DCDC1: variants seen among roughly 807,000 people sequenced by gnomAD.
The protein encoded by DCDC1 is doublecortin domain-containing protein 1.
DCDC1 carries 200 observed loss-of-function variants against 178.3 expected under a neutral mutation model. The ratio of observed to expected loss-of-function variants is 1.12; its 90% CI spans 1.00 to 1.26. DCDC1 has a LOEUF of 1.26. Ranked by LOEUF, DCDC1 falls within the 50% of genes most tolerant of loss-of-function variation. The pLI, the probability that DCDC1 is intolerant of heterozygous loss-of-function variation, is 0.00. For missense variants in DCDC1, 1,983 were observed against 1,749.2 expected (o/e 1.13, Z -2.38); for synonymous variants, 690 against 604.8 (o/e 1.14, Z -2.07).
chr11:30,937,613 C>T (rs1387042103), intron 21 of DCDC1, among the ~76,000 whole-genome samples: 1 of 152,164 alleles, frequency 6.6e-6, no homozygotes, highest in Non-Finnish European at 1.5e-5. Context: ...ACCTATTCCA[C>T]AGTGGAAACC....
chr11:30,954,573 G>T (rs1298963005), intron 20 of DCDC1, among the ~76,000 whole-genome samples: 1 of 152,184 alleles, frequency 6.6e-6, no homozygotes, highest in African/African-American at 2.4e-5. Context: ...TATAATTAAA[G>T]ATGTAAAATT....
At chr11:31,049,968 C>T (rs190470535) in intron 20 of DCDC1, among the ~76,000 whole-genome samples, 30 of 152,290 alleles carry the variant, frequency 2.0e-4, no homozygotes, top group Admixed American at 1.6e-3. Flanking sequence ...TCTAGCTGAA[C>T]TTCGTAAAAA....
chr11:30,999,816 C>T (rs1171527749), intron 20 of DCDC1, among the ~76,000 whole-genome samples: 6 of 152,014 alleles, frequency 3.9e-5, no homozygotes, highest in Admixed American at 3.3e-4. Context: ...AAAATACAAA[C>T]GTCAAATAAA....
In DCDC1 at chr11:31,153,890, C is replaced by T. The variant is rs1965456515; in HGVS notation, c.1222-16106G>A. On this transcript the variant is annotated intron_variant, in intron 9 of 38. Coordinates refer to ENST00000684477, the MANE Select transcript of DCDC1 (RefSeq NM_001387274.1). The stretch of plus-strand genomic sequence containing the variant: ...ACACACACACACACACACTCTCACA[C>T]CTGTGCCACTGTTCAAACTGTTGCT... 5.3e-5 allele frequency among the ~76,000 whole-genome samples: 8 copies of T among 152,058 alleles called. No individual in the cohort carries two copies. In the South Asian group the frequency reaches 1.7e-3, roughly 32 times the overall value.
chr11:30,943,322 T>C (rs1021554407), intron 21 of DCDC1: 2 of 164,020 alleles, frequency 1.2e-5, no homozygotes, highest in Non-Finnish European at 1.3e-5. Flanking sequence ...CAATATAATA[T>C]ATTCTTCAAT....
intron 11 of DCDC1, among the ~76,000 whole-genome samples, chr11:31,119,014 C>T (rs1156801248): frequency 6.6e-6 from 1 of 152,084 alleles, no homozygotes; most frequent in Non-Finnish European, 1.5e-5. Flanking sequence ...ATTTTCCCCC[C>T]AAAATCCACA....
chr11:31,085,772 A>G (rs1022632914), intron 17 of DCDC1, among the ~76,000 whole-genome samples: 1 of 152,094 alleles, frequency 6.6e-6, no homozygotes, highest in Non-Finnish European at 1.5e-5. Context: ...CAGTGGTGCA[A>G]TCACGGCTCA....
At chr11:31,250,428 A>G (rs1285696152) in intron 8 of DCDC1, among the ~76,000 whole-genome samples, 3 of 117,682 alleles carry the variant, frequency 2.5e-5, no homozygotes, top group Non-Finnish European at 3.6e-5. Context: ...ATACATATAT[A>G]TGTATATATA....
chr11:30,942,048 A>T (rs1313193447), intron 21 of DCDC1, among the ~76,000 whole-genome samples: 2 of 152,154 alleles, frequency 1.3e-5, no homozygotes, highest in Non-Finnish European at 2.9e-5. Context: ...TTATTCCTAA[A>T]CCTCACTGAG....
intron 20 of DCDC1, among the ~76,000 whole-genome samples, chr11:31,047,920 T>G (rs968470688): frequency 6.6e-6 from 1 of 152,222 alleles, no homozygotes; most frequent in East Asian, 1.9e-4. Flanking sequence ...TTGCATTTTA[T>G]AATATTTTGC....
chr11:31,244,640 T>C (rs1184214867), intron 8 of DCDC1, among the ~76,000 whole-genome samples: 2 of 151,790 alleles, frequency 1.3e-5, no homozygotes, highest in Admixed American at 1.3e-4. Flanking sequence ...ACTTCTCTTT[T>C]GTGTATTTTC....
intron 7 of DCDC1, among the ~76,000 whole-genome samples, chr11:31,278,946 C>T (rs1029928907): frequency 2.3e-4 from 35 of 152,228 alleles, no homozygotes; most frequent in Admixed American, 2.6e-4. Context: ...AGCATTTCCA[C>T]GTATATTTTA....
chr11:30,888,851 T>C (rs1943540177), intron 36 of DCDC1, among the ~76,000 whole-genome samples: 1 of 152,250 alleles, frequency 6.6e-6, no homozygotes, highest in African/African-American at 2.4e-5. Context: ...AATAACAAAG[T>C]TCATGATGAA....
chr11:31,066,903 A>C (rs1956281847), intron 18 of DCDC1, among the ~76,000 whole-genome samples: 1 of 152,166 alleles, frequency 6.6e-6, no homozygotes, highest in Non-Finnish European at 1.5e-5. Flanking sequence ...AGTTATAACA[A>C]ATGTACCACT....
At chr11:31,080,772 A>G (rs115730773) in intron 17 of DCDC1, among the ~76,000 whole-genome samples, 260 of 152,326 alleles carry the variant, frequency 1.7e-3, no homozygotes, top group African/African-American at 5.9e-3. Context: ...TGTAGGGGCT[A>G]TAACTCAATG....
In DCDC1 at chr11:31,328,277, C is replaced by T. The variant is rs560000778; in HGVS notation, c.4G>A (p.Ala2Thr). 28 of 1,550,698 alleles carry T rather than the reference C, an allele frequency of 1.8e-5. No individual in the cohort carries two copies. In the African/African-American group the frequency reaches 3.0e-4, roughly 17 times the overall value. M[A>T]KTGAEDHREA... ...CTGTGATCTTCTGCTCCTGTTTTTG[C>T]CATTTTCAGCTAAAAATGATAAAGA... Residue 2 changes from alanine to threonine, a missense_variant, in exon 3 of 39, where the codon GCA becomes ACA. Ala to Thr is a moderately conservative substitution (Grantham distance 58). Transcript: ENST00000684477.
intron 34 of DCDC1, among the ~76,000 whole-genome samples, chr11:30,897,349 G>A (rs2134084585): frequency 6.6e-6 from 1 of 152,132 alleles, no homozygotes; most frequent in East Asian, 1.9e-4. Flanking sequence ...AGCACTTTGG[G>A]AGGCCGAGGC....
At chr11:30,946,741 G>C (rs1201175477) in intron 21 of DCDC1, among the ~76,000 whole-genome samples, 2 of 152,148 alleles carry the variant, frequency 1.3e-5, no homozygotes, top group African/African-American at 4.8e-5. Context: ...CAACTAAAAA[G>C]TCAGGATAAA....
At chr11:31,125,929 A>T (rs1430201506) in intron 11 of DCDC1, among the ~76,000 whole-genome samples, 1 of 152,130 alleles carries the variant, frequency 6.6e-6, no homozygotes, top group Non-Finnish European at 1.5e-5. Flanking sequence ...TTAAAAAAAA[A>T]TTAAAATTAA....
Sources: allele counts gnomAD v4.1 joint callset (sites outside exome capture counted in the v4.1 genomes callset), GRCh38; gene constraint gnomAD v4.1.1; transcripts MANE v1.5; gene names NCBI Gene and HGNC (gene_info 2026-07-23, HGNC 2026-07-21).